The following ALG8 variants were observed in gnomAD, a reference collection of about 807,000 sequenced individuals.
The protein encoded by ALG8 is dolichyl pyrophosphate Glc1Man9GlcNAc2 alpha-1,3-glucosyltransferase.
ALG8 carries 48 observed loss-of-function variants against 70.2 expected under a neutral mutation model. The ratio of observed to expected loss-of-function variants is 0.68; its 90% CI spans 0.54 to 0.87. The LOEUF is 0.87. Ranked by LOEUF, ALG8 falls within the 40% of genes least tolerant of loss-of-function variation. The probability of loss-of-function intolerance (pLI) is 0.00; values close to 1 mark genes in which losing one functional copy is unlikely to be tolerated. For synonymous variants in ALG8, 234 were observed against 229.0 expected (o/e 1.02, Z -0.20); for missense variants, 572 against 608.7 (o/e 0.94, Z 0.64).
intron 7 of ALG8, among the ~76,000 whole-genome samples, chr11:78,113,300 T>C (rs894492846): frequency 3.3e-5 from 5 of 152,336 alleles, no homozygotes; most frequent in South Asian, 2.1e-4. Context: ...AACTTACAAG[T>C]ACAGAATACA....
intron 5 of ALG8, among the ~76,000 whole-genome samples, chr11:78,117,450 T>G (rs1167834767): frequency 6.6e-6 from 1 of 152,148 alleles, no homozygotes; most frequent in African/African-American, 2.4e-5. Flanking sequence ...CACACATCTG[T>G]AATCCCAGAG....
chr11:78,106,992 A>G, intron 9 of ALG8, 46 bp from the exon 10 acceptor site: 4 of 1,609,022 alleles, frequency 2.5e-6, no homozygotes, highest in Non-Finnish European at 3.4e-6. Context: ...TTTGAAACAG[A>G]CTTTACAGAA....
chr11:78,136,177 GA>G (rs1565366124), intron 1 of ALG8, among the ~76,000 whole-genome samples: 1 of 151,150 alleles, frequency 6.6e-6, no homozygotes, highest in African/African-American at 2.4e-5. Context: ...AAAAAGAAAA[GA>G]AAAAGGAAAA....
chr11:78,104,530 T>C (rs1159767760), intron 10 of ALG8, 77 bp from the exon 11 acceptor site: 1 of 1,319,340 alleles, frequency 7.6e-7, no homozygotes, highest in Non-Finnish European at 1.1e-6. Flanking sequence ...GCATCTCCTA[T>C]TACATTAGAA....
intron 9 of ALG8, 111 bp downstream of exon 9, chr11:78,109,331 G>A: frequency 7.1e-7 from 1 of 1,400,500 alleles, no homozygotes; most frequent in East Asian, 2.3e-5. Flanking sequence ...AGGATTACAG[G>A]CATGAAATTT....
At chr11:78,111,962 T>C (rs1466477078) in intron 8 of ALG8, among the ~76,000 whole-genome samples, 7 of 152,176 alleles carry the variant, frequency 4.6e-5, no homozygotes, top group Non-Finnish European at 8.8e-5. Flanking sequence ...TTCTTCTTTC[T>C]TGTATGTTTA....
At chr11:78,133,759 G>A (rs995426840) in intron 1 of ALG8, among the ~76,000 whole-genome samples, 15 of 151,986 alleles carry the variant, frequency 9.9e-5, no homozygotes, top group Non-Finnish European at 1.9e-4. Context: ...AAAATTAGCC[G>A]GGCTTGGTGA....
intron 1 of ALG8, among the ~76,000 whole-genome samples, chr11:78,128,418 A>C (rs1458546543): frequency 6.6e-6 from 1 of 152,102 alleles, no homozygotes; most frequent in East Asian, 1.9e-4. Flanking sequence ...TTCCACAATG[A>C]CAACTTTCTC....
intron 4 of ALG8, among the ~76,000 whole-genome samples, chr11:78,120,652 C>A (rs756817965): frequency 3.3e-5 from 5 of 152,132 alleles, no homozygotes; most frequent in African/African-American, 2.4e-5. Flanking sequence ...AAAAACTTTG[C>A]CTTTTAATAT....
chr11:78,107,159 T>C (rs975666994), intron 9 of ALG8, among the ~76,000 whole-genome samples: 1 of 148,084 alleles, frequency 6.8e-6, no homozygotes, highest in East Asian at 2.0e-4. Context: ...GATGTGTATA[T>C]ATATATTTTT....
In ALG8 at chr11:78,112,773, G is replaced by A. The variant is rs1860359346; in HGVS notation, c.778-3C>T. ...GAAAAGACTTGAGGCAGCTGATTCT[G>A]TTGAAAAGAGAAATGAAACTGATTA... On this transcript the variant is annotated splice_region_variant and splice_polypyrimidine_tract_variant and intron_variant, in intron 7 of 12. Coordinates refer to ENST00000299626, the MANE Select transcript of ALG8 (RefSeq NM_024079.5). The A allele has an allele frequency of 6.2e-7, 1 of 1,613,116 alleles. No homozygotes were observed. The highest frequency in any genetic ancestry group is 1.3e-5 in the African/African-American group (1 of 74,902).
chr11:78,117,782 G>GAAAAA (rs144110832), intron 5 of ALG8, among the ~76,000 whole-genome samples: 6 of 132,812 alleles, frequency 4.5e-5, no homozygotes, highest in African/African-American at 1.7e-4. Flanking sequence ...CAACTCTTAA[G>GAAAAA]AAAAAAAAAA....
rs1363846579 is a variant in ALG8, at chr11:78,101,055, A to T, written c.1490T>A (p.Val497Glu). Residue 497 changes from valine (V) to glutamate (E), a missense_variant, in exon 13 of 13, where the codon GTG becomes GAG. Val to Glu is a moderately radical substitution (Grantham distance 121). Coordinates refer to ENST00000299626, the MANE Select transcript of ALG8 (RefSeq NM_024079.5). ...ATATGTGATGCCTACTGCACAATACACTGAGGTTAGTAACAAAGGGATGAA... is the reference window on the plus strand; with the variant it reads ...ATATGTGATGCCTACTGCACAATACTCTGAGGTTAGTAACAAAGGGATGAA... ...YPFIPLLLTS[V>E]YCAVGITYAW... 6.2e-7 allele frequency: 1 copy of T among 1,614,100 alleles called. No individual in the cohort carries two copies. Among genetic ancestry groups the T allele is most frequent in the African/African-American group, 1.3e-5 (1 of 74,932 alleles).
intron 1 of ALG8, chr11:78,137,429 T>C (rs1861599238): frequency 6.6e-6 from 1 of 152,210 alleles, no homozygotes; most frequent in Non-Finnish European, 1.5e-5. Flanking sequence ...TTCAAGAACT[T>C]TTCCTCTGCA....
At chr11:78,122,321 G>A (rs1469405468) in intron 3 of ALG8, among the ~76,000 whole-genome samples, 2 of 151,600 alleles carry the variant, frequency 1.3e-5, no homozygotes, top group Non-Finnish European at 1.5e-5. Context: ...CTTGGTTCTG[G>A]GAACTGACAC....
chr11:78,132,833 A>ATTTTTTTTTT (rs55934753), intron 1 of ALG8, among the ~76,000 whole-genome samples: 14 of 113,908 alleles, frequency 1.2e-4, no homozygotes, highest in Middle Eastern at 4.8e-3. Flanking sequence ...TTCTTCTTCC[A>ATTTTTTTTTT]TTTTTTTTTT....
At chr11:78,119,067 C>T in intron 5 of ALG8, 115 bp downstream of exon 5, 1 of 761,482 alleles carries the variant, frequency 1.3e-6, no homozygotes, top group Non-Finnish European at 2.3e-6. Context: ...GTGTCTATCG[C>T]ACTTGGCAGC....
chr11:78,101,499 C>T (rs1385269532), intron 12 of ALG8, among the ~76,000 whole-genome samples: 1 of 152,104 alleles, frequency 6.6e-6, no homozygotes, highest in African/African-American at 2.4e-5. Context: ...CAGGGTGGCA[C>T]AGGCCTGTAA....
At chr11:78,108,956 TA>T (rs1357127611) in intron 9 of ALG8, among the ~76,000 whole-genome samples, 4 of 152,358 alleles carry the variant, frequency 2.6e-5, no homozygotes, top group Admixed American at 2.6e-4. Flanking sequence ...ATGAGGCCTC[TA>T]AGAGCATCTT....
Sources: gnomAD v4.1 joint callset for allele counts (sites outside exome capture counted in the v4.1 genomes callset) on GRCh38, gnomAD v4.1.1 for gene constraint, MANE v1.5 for transcripts, NCBI Gene and HGNC (gene_info 2026-07-23, HGNC 2026-07-21) for gene names.